Variants in FBXO7 observed in about 807,000 individuals in gnomAD.
The protein encoded by FBXO7 is F-box only protein 7.
In FBXO7, 31 loss-of-function variants were observed where a neutral mutation model predicts 50.2. The observed-to-expected ratio is 0.62, with a 90% CI of 0.46 to 0.83. The LOEUF (loss-of-function observed/expected upper bound fraction) is 0.83, where lower values mean the gene tolerates loss of function less well. Ranked by LOEUF, FBXO7 falls within the 40% of genes least tolerant of loss-of-function variation. FBXO7 has a pLI of 0.00. For synonymous variants in FBXO7, 256 were observed against 253.1 expected, an observed-to-expected ratio of 1.01 and a Z score of -0.11; for missense variants, 667 against 646.6, an observed-to-expected ratio of 1.03 and a Z score of -0.34.
At chr22:32,477,453 T>C (rs1350512803) in intron 1 of FBXO7, among the ~76,000 whole-genome samples, 1 of 152,240 alleles carries the variant, frequency 6.6e-6, no homozygotes, top group Non-Finnish European at 1.5e-5. Context: ...AAAAACATTT[T>C]ATTCTTCTAA....
intron 7 of FBXO7, among the ~76,000 whole-genome samples, chr22:32,494,870 C>T (rs527686410): frequency 6.6e-6 from 1 of 152,288 alleles, no homozygotes; most frequent in South Asian, 2.1e-4. Flanking sequence ...GAGAAGATAT[C>T]ATCTTTTATT....
chr22:32,479,401 CTTTTTTTTTTT>C, intron 2 of FBXO7, 126 bp downstream of exon 2: 1 of 572,602 alleles, frequency 1.7e-6, no homozygotes, highest in South Asian at 2.6e-5. Context: ...ATATTTTTTT[CTTTTTTTTTTT>C]TTTTGAGACA....
At chr22:32,484,707 A>AT (rs2057487475) in intron 3 of FBXO7, among the ~76,000 whole-genome samples, 1 of 152,160 alleles carries the variant, frequency 6.6e-6, no homozygotes, top group African/African-American at 2.4e-5. Flanking sequence ...ATGGCAAACA[A>AT]TTTTTCTTTG....
chr22:32,486,493 T>C (rs1262052308), intron 4 of FBXO7, among the ~76,000 whole-genome samples: 1 of 152,090 alleles, frequency 6.6e-6, no homozygotes, highest in Admixed American at 6.5e-5. Flanking sequence ...CCACCACACC[T>C]GGCTATTTTT....
At position 32,498,591 on chromosome 22, in the gene FBXO7, A is replaced by G. The variant is rs1284436553; in HGVS notation, c.*61A>G. ...TTTTGTTTCTAAACTACAGATGTCAACTCCTTGGGGTGCTGATCTCGAGTG... is the reference window on the plus strand; with the variant it reads ...TTTTGTTTCTAAACTACAGATGTCAGCTCCTTGGGGTGCTGATCTCGAGTG... On this transcript the variant is annotated 3_prime_UTR_variant, in exon 9 of 9. Transcript: ENST00000266087. 64 of 1,547,876 alleles carry G rather than the reference A, an allele frequency of 4.1e-5. No homozygotes were observed. Among genetic ancestry groups the G allele is most frequent in the South Asian group, 8.1e-5 (7 of 86,788 alleles).
At chr22:32,487,044 T>C (rs2145996053) in intron 4 of FBXO7, among the ~76,000 whole-genome samples, 1 of 152,390 alleles carries the variant, frequency 6.6e-6, no homozygotes, top group South Asian at 2.1e-4. Context: ...GATGATTTCC[T>C]AATTTCTGAT....
At chr22:32,492,778 G>A (rs1033756834) in intron 6 of FBXO7, 1 of 293,950 alleles carries the variant, frequency 3.4e-6, no homozygotes, top group African/African-American at 2.2e-5. Flanking sequence ...AAGAAATTTT[G>A]TTGTATTGAA....
intron 2 of FBXO7, among the ~76,000 whole-genome samples, chr22:32,482,380 G>C (rs1235465010): frequency 1.3e-5 from 2 of 152,136 alleles, no homozygotes; most frequent in Non-Finnish European, 2.9e-5. Flanking sequence ...TACATATACT[G>C]TGTAATTTTA....
In FBXO7 at chr22:32,493,233, T is replaced by G; in HGVS notation, c.1096T>G (p.Ser366Ala). ...GGTTTGTCGTGACCTCTTTACTGCT[T>G]CAAATGACCCACTCCTGTGGAGGTT... The part of the protein sequence containing the change: ...SAVCRDLFTA[S>A]NDPLLWRFLY... Residue 366 changes from serine to alanine, a missense_variant, in exon 7 of 9, where the codon TCA becomes GCA. Ser to Ala is a moderately conservative substitution (Grantham distance 99, BLOSUM62 1). Transcript: ENST00000266087. 6.2e-7 allele frequency: 1 copy of G among 1,614,152 alleles called. No homozygotes were observed. Among genetic ancestry groups the G allele is most frequent in the Non-Finnish European group, 8.5e-7 (1 of 1,179,992 alleles).
At chr22:32,494,133 T>G (rs1263151140) in intron 7 of FBXO7, among the ~76,000 whole-genome samples, 1 of 144,536 alleles carries the variant, frequency 6.9e-6, no homozygotes, top group Non-Finnish European at 1.5e-5. Flanking sequence ...AAAAAGAATA[T>G]CATGTAGAGT....
rs544386883 is a variant in FBXO7 at position 32,480,600 on chromosome 22, G to C, written c.417+1325G>C. On this transcript the variant is annotated intron_variant, in intron 2 of 8. Transcript: ENST00000266087. ...AGCCCTTGCCAACCATAGCCCAATA[G>C]TTTTCTTTAATTTCTTTGTATTGAT... is the stretch of plus-strand genomic sequence containing the variant. 1.2e-4 allele frequency among the ~76,000 whole-genome samples: 18 copies of C among 151,424 alleles called. No homozygotes were observed. The South Asian group carries it at 3.3e-3, about 28-fold the overall frequency.
chr22:32,488,286 G>T (rs1463054218), intron 5 of FBXO7: 1 of 159,846 alleles, frequency 6.3e-6, no homozygotes, highest in Non-Finnish European at 1.4e-5. Flanking sequence ...ATATAAATTT[G>T]ATGGCTATTT....
At chr22:32,478,520 T>A (rs1451470441) in intron 1 of FBXO7, among the ~76,000 whole-genome samples, 1 of 152,194 alleles carries the variant, frequency 6.6e-6, no homozygotes, top group African/African-American at 2.4e-5. Flanking sequence ...ATTAGAAATC[T>A]ATAGATTAGG....
At chr22:32,492,244 C>T (rs1028576255) in intron 6 of FBXO7, 7 of 152,062 alleles carry the variant, frequency 4.6e-5, no homozygotes, top group East Asian at 1.9e-4. Context: ...ATAAGTAAAA[C>T]GTTTTTGGTG....
At chr22:32,493,322 T>C (rs369891557) in intron 7 of FBXO7, 41 bp downstream of exon 7, 12 of 1,552,750 alleles carry the variant, frequency 7.7e-6, no homozygotes, top group East Asian at 4.5e-5. Flanking sequence ...AGGGCTCTTA[T>C]TGTCTTGATT....
chr22:32,475,568 A>T (rs746357370), intron 1 of FBXO7: 25 of 868,880 alleles, frequency 2.9e-5, no homozygotes, highest in Non-Finnish European at 4.0e-5. Context: ...GAGTATTTCA[A>T]TGAAAAAGTT....
intron 1 of FBXO7, chr22:32,475,405 C>T (rs2057421134): frequency 3.1e-6 from 5 of 1,611,098 alleles, no homozygotes; most frequent in South Asian, 1.1e-5. Context: ...CTCGGTGAGT[C>T]ATGGCTTCTG....
intron 2 of FBXO7, among the ~76,000 whole-genome samples, 198 bp downstream of exon 2, chr22:32,479,473 C>T (rs539398413): frequency 6.6e-6 from 1 of 150,386 alleles, no homozygotes; most frequent in African/African-American, 2.4e-5. Flanking sequence ...TCTCTGCTCA[C>T]TGCAACCTCT....
At chr22:32,490,964 A>G (rs2057530883) in intron 5 of FBXO7, 122 bp from the exon 6 acceptor site, 1 of 727,216 alleles carries the variant, frequency 1.4e-6, no homozygotes, top group South Asian at 1.6e-5. Flanking sequence ...AATTTGGTTC[A>G]TGCTTATCTT....
Sources: allele counts gnomAD v4.1 joint callset (sites outside exome capture counted in the v4.1 genomes callset), GRCh38; gene constraint gnomAD v4.1.1; transcripts MANE v1.5; gene names NCBI Gene and HGNC (gene_info 2026-07-23, HGNC 2026-07-21).